The following GDF1 variants were observed in gnomAD, a reference collection of about 807,000 sequenced individuals.
GDF1 encodes the protein growth differentiation factor 1, also known as embryonic growth/differentiation factor 1.
In GDF1, 8 loss-of-function variants were observed where a neutral mutation model predicts 7.4. The ratio of observed to expected loss-of-function variants is 1.09; its 90% CI spans 0.64 to 1.96. The LOEUF (loss-of-function observed/expected upper bound fraction) is 1.96, where lower values mean the gene tolerates loss of function less well. Ranked by LOEUF, GDF1 falls within the 30% of genes most tolerant of loss-of-function variation. GDF1 has a pLI of 0.00. For missense variants in GDF1, 574 were observed against 551.5 expected (o/e 1.04, Z -0.41); for synonymous variants, 311 against 276.7 (o/e 1.12, Z -1.23).
At chr19:18,869,873 G>A (rs2055932908) in intron 7 of GDF1, 110 bp downstream of exon 7, 1 of 1,070,030 alleles carries the variant, frequency 9.3e-7, no homozygotes, top group African/African-American at 1.6e-5. Context: ...AGCCTGGACA[G>A]GGCGGGTGGG....
intron 3 of GDF1, 67 bp downstream of exon 3, chr19:18,884,020 G>A (rs941611200): frequency 4.2e-5 from 63 of 1,516,722 alleles, no homozygotes; most frequent in Non-Finnish European, 5.4e-5. Context: ...GTGCCCCGCC[G>A]CAACATCAGC....
chr19:18,872,412 A>G (rs2055987385), intron 6 of GDF1, among the ~76,000 whole-genome samples: 1 of 152,006 alleles, frequency 6.6e-6, no homozygotes, highest in South Asian at 2.1e-4. Flanking sequence ...CAGTGGCGCA[A>G]TCTTGGCTCA....
chr19:18,877,991 G>A (rs939215963), intron 6 of GDF1: 5 of 985,374 alleles, frequency 5.1e-6, no homozygotes, highest in Non-Finnish European at 6.0e-6. Context: ...CAAACAGGGT[G>A]GGGGGTCTGA....
chr19:18,883,607 C>T (rs149764070), intron 3 of GDF1, among the ~76,000 whole-genome samples: 153 of 152,272 alleles, frequency 1.0e-3, no homozygotes, highest in African/African-American at 3.6e-3. Context: ...GCTTTGAAGC[C>T]GGGTGGGTTT....
intron 2 of GDF1, among the ~76,000 whole-genome samples, chr19:18,889,318 C>G (rs914458150): frequency 2.6e-5 from 4 of 152,186 alleles, no homozygotes; most frequent in Non-Finnish European, 5.9e-5. Flanking sequence ...CCTGCTGGAT[C>G]TGTTGCCCAC....
intron 2 of GDF1, among the ~76,000 whole-genome samples, chr19:18,891,624 C>T (rs2056493202): frequency 6.6e-6 from 1 of 152,206 alleles, no homozygotes; most frequent in African/African-American, 2.4e-5. Context: ...GTTGCCCAGG[C>T]TGGAGTGCAG....
Position 18,880,300 on chromosome 19 carries a change from C to A in GDF1, c.-597G>T. On this transcript the variant is annotated 5_prime_UTR_variant, in exon 4 of 8. Coordinates refer to ENST00000247005, the MANE Select transcript of GDF1 (RefSeq NM_001492.6). Reference sequence around the variant, plus strand: ...AGCTGAAGCCGAAGCTGAGGCAGCCCAAGTCTGCTGCCAAGGCATGCAGCC... The same window carrying A: ...AGCTGAAGCCGAAGCTGAGGCAGCCAAAGTCTGCTGCCAAGGCATGCAGCC... 6.4e-6 allele frequency: 10 copies of A among 1,552,266 alleles called. No individual in the cohort carries two copies. The highest frequency in any genetic ancestry group is 8.7e-6 in the Non-Finnish European group (10 of 1,148,018).
chr19:18,884,334 G>C (rs1217706776), intron 2 of GDF1, 67 bp from the exon 3 acceptor site: 3 of 1,475,900 alleles, frequency 2.0e-6, no homozygotes, highest in Non-Finnish European at 2.7e-6. Flanking sequence ...CCATGACCCG[G>C]TGACACCCTC....
rs1244806736 is a variant in GDF1 at position 18,878,537 on chromosome 19, G to C, written c.-313+393C>G. The C allele has an allele frequency of 9.7e-7, 1 of 1,030,536 alleles. No homozygotes were observed. Among genetic ancestry groups the C allele is most frequent in the Non-Finnish European group, 1.2e-6 (1 of 856,458 alleles). The allele number at this position is 1,030,536 out of a possible 1,614,324, so 63.8% of individuals were successfully genotyped here. A position where few individuals can be genotyped will look rare whatever the true frequency, so the allele number is the denominator to read the frequency against. On this transcript the variant is annotated intron_variant, in intron 6 of 7. Coordinates refer to ENST00000247005, the MANE Select transcript of GDF1 (RefSeq NM_001492.6). The surrounding 1 kb of genome is among the most constrained non-coding windows in gnomAD (Gnocchi z 4.6). ...GGCCCTTGGCGTTCCTTCCTCCCCA[G>C]CCCCACTGCCACCAGCTCCAGTGGC...
chr19:18,891,121 CAAA>C (rs879696067), intron 2 of GDF1, among the ~76,000 whole-genome samples: 3 of 99,746 alleles, frequency 3.0e-5, no homozygotes, highest in Admixed American at 1.1e-4. Context: ...GAGACTGTCT[CAAA>C]AAAAAAAAAA....
In GDF1 at chr19:18,869,050, C is replaced by T; in HGVS notation, c.666G>A (p.Arg222=). The change falls in exon 8 of 8, where the codon CGG becomes CGA. Residue 222 remains arginine, a synonymous_variant. Coordinates refer to ENST00000247005, the MANE Select transcript of GDF1 (RefSeq NM_001492.6). The part of the protein sequence containing the change: ...SLRLALALRP[R]APAACARLAE... Reference sequence around the variant, plus strand: ...CCAGGCGCGCGCAGGCGGCAGGGGCCCGGGGGCGTAGCGCCAGCGCCAGGC... The same window carrying T: ...CCAGGCGCGCGCAGGCGGCAGGGGCTCGGGGGCGTAGCGCCAGCGCCAGGC... The T allele has an allele frequency of 9.4e-7, 1 of 1,065,382 alleles. No individual in the cohort carries two copies. The highest frequency in any genetic ancestry group is 1.1e-6 in the Non-Finnish European group (1 of 882,560). The allele number at this position is 1,065,382 out of a possible 1,614,324, so 66.0% of individuals were successfully genotyped here.
Position 18,869,314 on chromosome 19 carries a change from C to T in GDF1, c.402G>A (p.Ser134=), listed in dbSNP as rs2055916759. 1 of 1,522,468 alleles carries T rather than the reference C, an allele frequency of 6.6e-7. No homozygotes were observed. The highest frequency in any genetic ancestry group is 8.8e-7 in the Non-Finnish European group (1 of 1,142,278). 94.3% of individuals were successfully genotyped at this position (1,522,468 alleles called of 1,614,324 possible). A position where few individuals can be genotyped will look rare whatever the true frequency, so the allele number is the denominator to read the frequency against. Reference sequence around the variant, plus strand: ...TCGGGCGCTCAGCGGGTTCCACAGCCGACAGGTCGAAGACGACTGTCCACT... The same window carrying T: ...TCGGGCGCTCAGCGGGTTCCACAGCTGACAGGTCGAAGACGACTGTCCACT... ...CPEWTVVFDL[S]AVEPAERPSR... Residue 134 remains serine (S), a synonymous_variant, in exon 8 of 8, where the codon TCG becomes TCA. Transcript: ENST00000247005.
rs775945666 is a variant in GDF1 at position 18,868,564 on chromosome 19, T to C, written c.*33A>G. 8.0e-6 allele frequency: 12 copies of C among 1,491,990 alleles called. No individual in the cohort carries two copies. The highest frequency in any genetic ancestry group is 2.5e-5 in the East Asian group (1 of 40,178). The allele number at this position is 1,491,990 out of a possible 1,614,324, so 92.4% of individuals were successfully genotyped here. On this transcript the variant is annotated 3_prime_UTR_variant, in exon 8 of 8. Transcript: ENST00000247005. ...CCAGCGGAGCAGACCACGCGGCATT[T>C]ATTGTTGGGCCCGCGTCCCTGCCCG...
At chr19:18,869,909 CCGGGCCACTCTCGAGG>C in intron 7 of GDF1, 58 bp downstream of exon 7, 1 of 1,451,738 alleles carries the variant, frequency 6.9e-7, no homozygotes, top group East Asian at 2.5e-5. Flanking sequence ...TCGGGCATCC[CCGGGCCACTCTCGAGG>C]CTCGCCCTGC....
Position 18,895,877 on chromosome 19 carries a change from C to G in GDF1, c.-1127G>C. On this transcript the variant is annotated 5_prime_UTR_variant, in exon 1 of 8. Transcript: ENST00000247005. The surrounding 1 kb of genome is among the most constrained non-coding windows in gnomAD (Gnocchi z 6.4). ...CGCAGGGCGGTCCAGCCCAGCGCGC[C>G]GAGCGCCAGCAGCAGCAGCTCGGGC... 1 of 1,281,994 alleles carries G rather than the reference C, an allele frequency of 7.8e-7. No homozygotes were observed. Among genetic ancestry groups the G allele is most frequent in the Non-Finnish European group, 9.8e-7 (1 of 1,015,494 alleles). The allele number at this position is 1,281,994 out of a possible 1,614,324, so 79.4% of individuals were successfully genotyped here. A position where few individuals can be genotyped will look rare whatever the true frequency, so the allele number is the denominator to read the frequency against.
intron 4 of GDF1, among the ~76,000 whole-genome samples, chr19:18,879,700 A>C (rs1223622656): frequency 0.012 from 89 of 7,426 alleles, no homozygotes; most frequent in Admixed American, 0.019. Flanking sequence ...ACCAAACCCC[A>C]CCTCCTTCCC....
Position 18,878,117 on chromosome 19 carries a change from C to T in GDF1, c.-313+813G>A, listed in dbSNP as rs989922717. The stretch of plus-strand genomic sequence containing the variant: ...TGCTTCCCTGAAACCATCGTTCCCA[C>T]GTCACCGATGGCCCCCACCGGCCAA... On this transcript the variant is annotated intron_variant, in intron 6 of 7. Transcript: ENST00000247005. This position sits in a 1 kb window ranked among gnomAD's most constrained non-coding sequence, Gnocchi z 4.6. The T allele has an allele frequency of 9.1e-6, 9 of 985,528 alleles. No individual in the cohort carries two copies. Among genetic ancestry groups the T allele is most frequent in the Non-Finnish European group, 9.6e-6 (8 of 830,030 alleles). 61.0% of individuals were successfully genotyped at this position (985,528 alleles called of 1,614,324 possible).
chr19:18,880,181 G>C, intron 4 of GDF1, 93 bp downstream of exon 4: 66 of 1,091,640 alleles, frequency 6.0e-5, no homozygotes, highest in Middle Eastern at 3.8e-4. Flanking sequence ...ACCGGGCCCC[G>C]CCTCCTTCCC....
In GDF1 at chr19:18,893,477, A is replaced by G; in HGVS notation, c.-975T>C. 6.2e-7 allele frequency: 1 copy of G among 1,607,542 alleles called. No homozygotes were observed. Among genetic ancestry groups the G allele is most frequent in the South Asian group, 1.1e-5 (1 of 89,632 alleles). ...AGTCGGTGCCAAACAGCAGGTAGGCACTGTAGCTCCAGCTGCCCAGGTAGA... is the reference window on the plus strand; with the variant it reads ...AGTCGGTGCCAAACAGCAGGTAGGCGCTGTAGCTCCAGCTGCCCAGGTAGA... On this transcript the variant is annotated 5_prime_UTR_variant, in exon 2 of 8. Coordinates refer to ENST00000247005, the MANE Select transcript of GDF1 (RefSeq NM_001492.6).
Sources: gnomAD v4.1 joint callset for allele counts (sites outside exome capture counted in the v4.1 genomes callset) on GRCh38, gnomAD v4.1.1 for gene constraint, Gnocchi (gnomAD v3.1) non-coding constraint, MANE v1.5 for transcripts, NCBI Gene and HGNC (gene_info 2026-07-23, HGNC 2026-07-21) for gene names.